The following ERICH1 variants were observed in gnomAD, a reference collection of about 807,000 sequenced individuals.
ERICH1 encodes glutamate-rich protein 1.
ERICH1 carries 56 observed loss-of-function variants against 39.6 expected under a neutral mutation model. The observed-to-expected ratio is 1.41, with a 90% CI of 1.14 to 1.77. ERICH1 has a LOEUF of 1.77. Ranked by LOEUF, ERICH1 falls within the 40% of genes most tolerant of loss-of-function variation. The pLI, the probability that ERICH1 is intolerant of heterozygous loss-of-function variation, is 0.00. For missense variants in ERICH1, 826 were observed against 575.4 expected (o/e 1.44, Z -4.45); for synonymous variants, 313 against 223.6 (o/e 1.40, Z -3.57).
chr8:715,793 A>G lies in ERICH1; in HGVS notation c.169+68T>C, dbSNP rs1042265127. The G allele has an allele frequency of 1.6e-5, 24 of 1,547,836 alleles. No homozygotes were observed. In the Middle Eastern group the frequency reaches 5.2e-4, roughly 34 times the overall value. ...CGAGGCCCAAAAGACACATTCTCCA[A>G]GGCAAGTGATGATGACGGAGGTTAA... On this transcript the variant is annotated intron_variant, in intron 2 of 5. Coordinates refer to ENST00000262109, the MANE Select transcript of ERICH1 (RefSeq NM_207332.3).
chr8:624,857 G>A (rs1797509329), intron 3 of ERICH1, among the ~76,000 whole-genome samples: 1 of 152,082 alleles, frequency 6.6e-6, no homozygotes, highest in Non-Finnish European at 1.5e-5. Context: ...CTCCAGAGTA[G>A]CTGGGACTAC....
intron 3 of ERICH1, among the ~76,000 whole-genome samples, chr8:636,659 C>T (rs567815344): frequency 1.3e-5 from 2 of 152,248 alleles, no homozygotes; most frequent in African/African-American, 4.8e-5. Context: ...AACAAAAGCG[C>T]AGTCCAAATA....
chr8:632,597 TAA>T (rs1465925765), intron 3 of ERICH1, among the ~76,000 whole-genome samples: 1 of 151,960 alleles, frequency 6.6e-6, no homozygotes, highest in Non-Finnish European at 1.5e-5. Flanking sequence ...TACAAAATAA[TAA>T]GAATAAAGTG....
intron 1 of ERICH1, among the ~76,000 whole-genome samples, chr8:716,523 C>T (rs1348278625): frequency 3.9e-5 from 6 of 152,352 alleles, no homozygotes; most frequent in Admixed American, 6.5e-5. Flanking sequence ...TTAAACTGAA[C>T]GTGTCAACAA....
intron 2 of ERICH1, among the ~76,000 whole-genome samples, chr8:706,685 G>C (rs1453586844): frequency 6.6e-6 from 1 of 152,120 alleles, no homozygotes; most frequent in African/African-American, 2.4e-5. Flanking sequence ...CTGGAGAACT[G>C]CTTAAACCCA....
At chr8:726,724 ACAGG>A (rs1818793560) in intron 1 of ERICH1, among the ~76,000 whole-genome samples, 1 of 151,462 alleles carries the variant, frequency 6.6e-6, no homozygotes, top group Non-Finnish European at 1.5e-5. Context: ...ACAGGCACAC[ACAGG>A]CAAACAGATA....
At chr8:658,912 C>T (rs976128290) in intron 3 of ERICH1, among the ~76,000 whole-genome samples, 8 of 152,222 alleles carry the variant, frequency 5.3e-5, no homozygotes, top group Non-Finnish European at 1.0e-4. Flanking sequence ...ACTTGCTCTG[C>T]GACCCAGGGG....
At chr8:705,435 T>C (rs1473346676) in intron 2 of ERICH1, among the ~76,000 whole-genome samples, 1 of 152,238 alleles carries the variant, frequency 6.6e-6, no homozygotes, top group East Asian at 1.9e-4. Context: ...TTATAACATT[T>C]TTCCTTTAAC....
At chr8:699,575 C>T (rs140126485) in intron 2 of ERICH1, among the ~76,000 whole-genome samples, 2,268 of 145,540 alleles carry the variant, frequency 0.016, 35 homozygotes, top group Non-Finnish European at 0.026. Context: ...AGAAGGAGGA[C>T]GGCTTCATTT....
rs545237003 is a variant in ERICH1, at chr8:643,447, C to T, written c.976+25151G>A. Among the ~76,000 whole-genome samples, 93 of 152,226 alleles carry T rather than the reference C, an allele frequency of 6.1e-4. 2 individuals are homozygous for T. In the South Asian group the frequency reaches 0.01, roughly 17 times the overall value. Reference sequence around the variant, plus strand: ...CTCATGGGATGCTCCATCCAGGGGGCATTTTGCAGACTGGGGATAGGACTG... The same window carrying T: ...CTCATGGGATGCTCCATCCAGGGGGTATTTTGCAGACTGGGGATAGGACTG... On this transcript the variant is annotated intron_variant, in intron 3 of 3. Coordinates refer to the ERICH1 transcript ENST00000522706.
intron 3 of ERICH1, chr8:626,637 G>C (rs1297079316): frequency 6.3e-6 from 1 of 157,658 alleles, no homozygotes; most frequent in Non-Finnish European, 1.4e-5. Flanking sequence ...CCTTGTCAAG[G>C]TCCTCCTAAA....
chr8:635,157 G>A (rs1563172389), intron 3 of ERICH1, among the ~76,000 whole-genome samples: 1 of 151,904 alleles, frequency 6.6e-6, no homozygotes, highest in Non-Finnish European at 1.5e-5. Context: ...CTCTCCCTGT[G>A]ACCATTTCAT....
At chr8:620,054 C>G (rs113170890) in intron 3 of ERICH1, among the ~76,000 whole-genome samples, 1 of 152,160 alleles carries the variant, frequency 6.6e-6, no homozygotes, top group African/African-American at 2.4e-5. Flanking sequence ...TGGCTCACAC[C>G]TGTAATCCCA....
chr8:720,805 A>T (rs1366625359), intron 1 of ERICH1, among the ~76,000 whole-genome samples: 1 of 152,218 alleles, frequency 6.6e-6, no homozygotes, highest in Non-Finnish European at 1.5e-5. Flanking sequence ...AACCTAGTGA[A>T]GGAAAACGTC....
chr8:717,748 C>T (rs770656804), intron 1 of ERICH1, among the ~76,000 whole-genome samples: 5 of 152,238 alleles, frequency 3.3e-5, no homozygotes, highest in African/African-American at 1.2e-4. Context: ...TGGCTGAAGT[C>T]GCCTCCCCAG....
At chr8:681,786 C>T (rs554424828) in intron 3 of ERICH1, among the ~76,000 whole-genome samples, 2 of 152,318 alleles carry the variant, frequency 1.3e-5, no homozygotes, top group South Asian at 2.1e-4. Flanking sequence ...AGAGACTGCC[C>T]GGCTGAGCCT....
intron 2 of ERICH1, among the ~76,000 whole-genome samples, chr8:709,845 A>G (rs927097799): frequency 1.3e-5 from 2 of 152,234 alleles, no homozygotes; most frequent in Non-Finnish European, 2.9e-5. Context: ...CCATGCATAC[A>G]GCTTCAACTG....
intron 3 of ERICH1, among the ~76,000 whole-genome samples, chr8:691,469 G>C (rs1461801260): frequency 6.6e-6 from 1 of 152,246 alleles, no homozygotes; most frequent in Non-Finnish European, 1.5e-5. Context: ...AACGGGGCGA[G>C]AGCGCCAACC....
exon 4 of ERICH1, chr8:615,199 T>A: frequency 1.5e-6 from 1 of 661,212 alleles, no homozygotes; most frequent in Non-Finnish European, 2.7e-6. Context: ...GACCTGGAAT[T>A]GTCCAAGTCA....
Sources: gnomAD v4.1 joint callset for allele counts (sites outside exome capture counted in the v4.1 genomes callset) on GRCh38, gnomAD v4.1.1 for gene constraint, MANE v1.5 for transcripts, NCBI Gene and HGNC (gene_info 2026-07-23, HGNC 2026-07-21) for gene names.